The following SNED1 variants were observed in gnomAD, a reference collection of about 807,000 sequenced individuals.
SNED1 encodes the protein sushi, nidogen and EGF like domains 1.
Under a neutral mutation model 166.7 loss-of-function variants are expected in SNED1, and 81 were observed. That is an observed-to-expected ratio of 0.49 (90% CI 0.41 to 0.58). SNED1 has a LOEUF of 0.58. SNED1 is among the 20% of genes least tolerant of loss of function. The pLI, the probability that SNED1 is intolerant of heterozygous loss-of-function variation, is 0.00. For missense variants in SNED1, 1,604 were observed against 2,000.2 expected (o/e 0.80, Z 3.78); for synonymous variants, 762 against 822.0 (o/e 0.93, Z 1.25).
rs371256220 is a variant in SNED1 at position 241,071,802 on chromosome 2, G to A, written c.3741G>A (p.Ser1247=). The A allele has an allele frequency of 4.7e-5, 75 of 1,594,560 alleles. No homozygotes were observed. Among genetic ancestry groups the A allele is most frequent in the Non-Finnish European group, 5.7e-5 (67 of 1,170,960 alleles). ...PETPTQPPRF[S]ELVDGRGRVS... is the part of the protein sequence containing the mutation. ...CCTCCCACCCTCTCTGCAGGTTCTC[G>A]GAGCTTGTGGACGGCAGAGGAAGAG... The change falls in exon 26 of 32, where the codon TCG becomes TCA. Residue 1247 remains serine, a synonymous_variant. Transcript: ENST00000310397.
At chr2:241,090,555 A>ACAGGG in intron 31 of SNED1, 1 of 1,303,852 alleles carries the variant, frequency 7.7e-7, no homozygotes, top group Non-Finnish European at 1.0e-6. Flanking sequence ...ACTTCTATAC[A>ACAGGG]CAGGGCAGTG....
rs540481203 is a variant in SNED1 at position 241,071,887 on chromosome 2, C to T, written c.3817+9C>T. ...AGCCACCGTGAGATCACGTGAGTGC[C>T]AGGGCCTCCCCACCCACCTTGGTGG... On this transcript the variant is annotated intron_variant, in intron 26 of 31. Transcript: ENST00000310397. The T allele has an allele frequency of 1.9e-6, 3 of 1,591,340 alleles. No homozygotes were observed. The highest frequency in any genetic ancestry group is 4.6e-5 in the East Asian group (2 of 43,616).
chr2:241,009,122 G>A (rs1048460443), intron 1 of SNED1, among the ~76,000 whole-genome samples: 1 of 152,226 alleles, frequency 6.6e-6, no homozygotes, highest in African/African-American at 2.4e-5. Context: ...GTGGGGGACA[G>A]ACCAGGTTTG....
rs116166598 is a variant in SNED1, at chr2:241,022,356, T to C, written c.214-7928T>C. ...GTTTTATTCTAAGAGTTTTATAATT[T>C]TAGCTCTTACATTAGGTCTTTGATC... On this transcript the variant is annotated intron_variant, in intron 1 of 31. Coordinates refer to ENST00000310397, the MANE Select transcript of SNED1 (RefSeq NM_001080437.3). Among the ~76,000 whole-genome samples the C allele has an allele frequency of 2.0e-3, 306 of 152,368 alleles. 1 individual carries two copies. The highest frequency in any genetic ancestry group is 7.0e-3 in the African/African-American group (291 of 41,594).
intron 1 of SNED1, among the ~76,000 whole-genome samples, chr2:241,011,017 C>A (rs898015611): frequency 2.0e-5 from 3 of 152,032 alleles, no homozygotes; most frequent in Non-Finnish European, 4.4e-5. Context: ...CATCTCTACC[C>A]TGCAGACCCA....
intron 1 of SNED1, among the ~76,000 whole-genome samples, chr2:241,007,133 G>A (rs2060242493): frequency 1.3e-5 from 2 of 152,230 alleles, no homozygotes; most frequent in Admixed American, 1.3e-4. Flanking sequence ...ATTTCCTGCT[G>A]TGGGTGACTG....
In SNED1 at chr2:241,033,773, G is replaced by A; in HGVS notation, c.540G>A (p.Lys180=). Residue 180 remains lysine, a synonymous_variant, in exon 3 of 32, where the codon AAG becomes AAA. Coordinates refer to ENST00000310397, the MANE Select transcript of SNED1 (RefSeq NM_001080437.3). ...AGACTGTGCTCATCACAGACGGCAAGCTCTCCTTCACCATCTTCAACTATG... is the reference window on the plus strand; with the variant it reads ...AGACTGTGCTCATCACAGACGGCAAACTCTCCTTCACCATCTTCAACTATG... ...TFQTVLITDG[K]LSFTIFNYES... 1 of 1,612,094 alleles carries A rather than the reference G, an allele frequency of 6.2e-7. No homozygotes were observed. The highest frequency in any genetic ancestry group is 2.2e-5 in the East Asian group (1 of 44,874).
At position 241,052,395 on chromosome 2, in the gene SNED1, C is replaced by A; in HGVS notation, c.2010C>A (p.Gly670=). The A allele has an allele frequency of 6.3e-7, 1 of 1,594,558 alleles. No individual in the cohort carries two copies. The highest frequency in any genetic ancestry group is 8.5e-7 in the Non-Finnish European group (1 of 1,169,750). Residue 670 remains glycine (G), a synonymous_variant, in exon 15 of 32, where the codon GGC becomes GGA. Transcript: ENST00000310397. The part of the protein sequence containing the change: ...PCFRSPCVNG[G]TCEDRDTDFF... Reference sequence around the variant, plus strand: ...TCCGGAGCCCGTGTGTGAATGGGGGCACCTGCGAGGACCGGGACACGGATT... The same window carrying A: ...TCCGGAGCCCGTGTGTGAATGGGGGAACCTGCGAGGACCGGGACACGGATT...
Position 241,067,799 on chromosome 2 carries a change from G to T in SNED1, c.3046G>T (p.Val1016Leu). The T allele has an allele frequency of 6.2e-7, 1 of 1,612,240 alleles. No individual in the cohort carries two copies. The highest frequency in any genetic ancestry group is 8.5e-7 in the Non-Finnish European group (1 of 1,178,660). Residue 1016 changes from valine to leucine, a missense_variant, in exon 22 of 32, where the codon GTG (valine) becomes TTG (leucine). Coordinates refer to ENST00000310397, the MANE Select transcript of SNED1 (RefSeq NM_001080437.3). ...RPVEGFEVTN[V>L]TASTISVQWA... Reference sequence around the variant, plus strand: ...TGTGGAAGGCTTCGAGGTCACCAATGTGACGGCTAGCACCATCTCAGTGCA... The same window carrying T: ...TGTGGAAGGCTTCGAGGTCACCAATTTGACGGCTAGCACCATCTCAGTGCA...
chr2:241,031,726 C>G (rs538494262), intron 2 of SNED1, among the ~76,000 whole-genome samples: 14 of 152,380 alleles, frequency 9.2e-5, no homozygotes, highest in South Asian at 2.1e-4. Context: ...CACCCCAATT[C>G]TACGGCCCTC....
intron 1 of SNED1, among the ~76,000 whole-genome samples, chr2:241,008,919 C>T (rs62186627): frequency 2.2e-4 from 34 of 152,244 alleles, no homozygotes; most frequent in Non-Finnish European, 4.3e-4. Flanking sequence ...GGGTCAGGCA[C>T]GGCCTCTTGG....
Position 240,999,536 on chromosome 2 carries a change from C to T in SNED1, c.213+486C>T, listed in dbSNP as rs1359624944. Among the ~76,000 whole-genome samples the T allele has an allele frequency of 6.6e-6, 1 of 152,228 alleles. No homozygotes were observed. Among genetic ancestry groups the T allele is most frequent in the Non-Finnish European group, 1.5e-5 (1 of 68,030 alleles). ...GGCCCAGAGCCAGGAGGCTGGACCC[C>T]TTGCCCAGGCGCTCAGGGCAGGGCC... is the stretch of plus-strand genomic sequence containing the variant. On this transcript the variant is annotated intron_variant, in intron 1 of 31. Transcript: ENST00000310397. The surrounding 1 kb of genome is among the most constrained non-coding windows in gnomAD (Gnocchi z 5.8).
rs1365085440 is a variant in SNED1, at chr2:240,999,569, T to C, written c.213+519T>C. 1.3e-5 allele frequency among the ~76,000 whole-genome samples: 2 copies of C among 152,180 alleles called. No homozygotes were observed. The highest frequency in any genetic ancestry group is 1.3e-4 in the Admixed American group (2 of 15,292). On this transcript the variant is annotated intron_variant, in intron 1 of 31. Transcript: ENST00000310397. The surrounding 1 kb of genome is among the most constrained non-coding windows in gnomAD (Gnocchi z 5.8). ...GGCGCTCAGGGCAGGGCCTGCTTCT[T>C]CGCTGACCCTCCTAGGCGGGCTAGC...
chr2:241,059,073 A>T (rs1281846123), intron 16 of SNED1, among the ~76,000 whole-genome samples: 1 of 152,262 alleles, frequency 6.6e-6, no homozygotes, highest in African/African-American at 2.4e-5. Context: ...GAGTCCTTTA[A>T]ACATTAAAGA....
In SNED1 at chr2:241,073,828, A is replaced by G; in HGVS notation, c.3916+464A>G. Reference sequence around the variant, plus strand: ...CCTGTGGACACTCAGGTTATGCAGGACCTGAACTGTCTCCTAGTCCGGGGC... The same window carrying G: ...CCTGTGGACACTCAGGTTATGCAGGGCCTGAACTGTCTCCTAGTCCGGGGC... On this transcript the variant is annotated intron_variant, in intron 27 of 31. Transcript: ENST00000310397. The surrounding 1 kb of genome is among the most constrained non-coding windows in gnomAD (Gnocchi z 6.6). 4.4e-6 allele frequency: 1 copy of G among 228,656 alleles called. No individual in the cohort carries two copies. The highest frequency in any genetic ancestry group is 8.6e-6 in the Non-Finnish European group (1 of 116,826). The allele number at this position is 228,656 out of a possible 1,614,324, so 14.2% of individuals were successfully genotyped here.
chr2:241,070,429 A>T (rs2125234479), intron 24 of SNED1, among the ~76,000 whole-genome samples: 1 of 152,330 alleles, frequency 6.6e-6, no homozygotes, highest in African/African-American at 2.4e-5. Flanking sequence ...TAATAAGCAC[A>T]TTGAGCCTCA....
chr2:241,065,030 C>A, intron 20 of SNED1, 73 bp downstream of exon 20: 1 of 1,201,250 alleles, frequency 8.3e-7, no homozygotes, highest in Non-Finnish European at 1.2e-6. Flanking sequence ...CAACGGTCTC[C>A]AAGGGCAGAG....
chr2:241,072,850 T>G, intron 26 of SNED1: 2 of 213,922 alleles, frequency 9.3e-6, no homozygotes, highest in Non-Finnish European at 1.9e-5. Context: ...GGCGAGGGCA[T>G]GAGGAAGGTC....
At position 241,073,165 on chromosome 2, in the gene SNED1, T is replaced by A. The variant is rs1349063500; in HGVS notation, c.3818-101T>A. 4 of 825,282 alleles carry A rather than the reference T, an allele frequency of 4.8e-6. No homozygotes were observed. The highest frequency in any genetic ancestry group is 7.7e-6 in the Non-Finnish European group (4 of 517,974). The allele number at this position is 825,282 out of a possible 1,614,324, so 51.1% of individuals were successfully genotyped here. On this transcript the variant is annotated intron_variant, in intron 26 of 31. Coordinates refer to ENST00000310397, the MANE Select transcript of SNED1 (RefSeq NM_001080437.3). This position sits in a 1 kb window ranked among gnomAD's most constrained non-coding sequence, Gnocchi z 6.6. ...GGGAGCCTGGTCCCCACCAGGGACA[T>A]CCGTGCTCCCTGAGATATAGAAGCA...
Sources: gnomAD v4.1 joint callset for allele counts (sites outside exome capture counted in the v4.1 genomes callset) on GRCh38, gnomAD v4.1.1 for gene constraint, Gnocchi (gnomAD v3.1) non-coding constraint, MANE v1.5 for transcripts, NCBI Gene and HGNC (gene_info 2026-07-23, HGNC 2026-07-21) for gene names.